The following ADAMTS18 variants were observed in gnomAD, a reference collection of about 807,000 sequenced individuals.
ADAMTS18 encodes A disintegrin and metalloproteinase with thrombospondin motifs 18.
In ADAMTS18, 157 loss-of-function variants were observed where a neutral mutation model predicts 165.9. The observed-to-expected ratio is 0.95, with a 90% confidence interval of 0.83 to 1.08. ADAMTS18 has a LOEUF of 1.08. Among genes scored for constraint, ADAMTS18 ranks in the 50% least tolerant of loss-of-function variants. The probability of loss-of-function intolerance (pLI) is 0.00; values close to 1 mark genes in which losing one functional copy is unlikely to be tolerated. For synonymous variants in ADAMTS18, 782 were observed against 578.2 expected, an observed-to-expected ratio of 1.35 and a Z score of -5.06; for missense variants, 2,040 against 1,534.0, an observed-to-expected ratio of 1.33 and a Z score of -5.51.
intron 16 of ADAMTS18, among the ~76,000 whole-genome samples, chr16:77,306,310 T>C (rs1283899158): frequency 6.6e-6 from 1 of 152,152 alleles, no homozygotes; most frequent in Non-Finnish European, 1.5e-5. Context: ...AACCGCAGGG[T>C]GCAGAGTTAT....
intron 3 of ADAMTS18, among the ~76,000 whole-genome samples, chr16:77,385,510 A>C (rs1485206038): frequency 6.6e-6 from 1 of 152,150 alleles, no homozygotes; most frequent in Admixed American, 6.5e-5. Flanking sequence ...TTGCTGATGC[A>C]CACTATCAGA....
chr16:77,382,235 C>A (rs1418417908), intron 3 of ADAMTS18, among the ~76,000 whole-genome samples: 1 of 152,096 alleles, frequency 6.6e-6, no homozygotes, highest in Admixed American at 6.6e-5. Context: ...TTTTTTGAGA[C>A]AGAGTCGCTC....
At chr16:77,416,898 G>C (rs1164351844) in intron 3 of ADAMTS18, among the ~76,000 whole-genome samples, 1 of 152,178 alleles carries the variant, frequency 6.6e-6, no homozygotes, top group Non-Finnish European at 1.5e-5. Flanking sequence ...GCAGTGGTAA[G>C]AAGTGGTCAG....
intron 3 of ADAMTS18, among the ~76,000 whole-genome samples, chr16:77,372,231 A>G (rs2056886697): frequency 6.6e-6 from 1 of 152,230 alleles, no homozygotes; most frequent in South Asian, 2.1e-4. Flanking sequence ...AATTAAATAT[A>G]GTTCTACCAT....
At chr16:77,284,116 C>G (rs759773940) in intron 22 of ADAMTS18, 45 bp from the exon 23 acceptor site, 1 of 1,343,192 alleles carries the variant, frequency 7.4e-7, no homozygotes, top group Non-Finnish European at 1.1e-6. Flanking sequence ...GGGTGTCTAT[C>G]CTTTTTCTTT....
At chr16:77,426,604 G>T (rs1013612964) in intron 3 of ADAMTS18, among the ~76,000 whole-genome samples, 2 of 152,166 alleles carry the variant, frequency 1.3e-5, no homozygotes, top group Non-Finnish European at 2.9e-5. Flanking sequence ...TAAAAGTATT[G>T]CTCCATTCTC....
chr16:77,359,861 A>G (rs770021907), intron 7 of ADAMTS18, among the ~76,000 whole-genome samples: 11 of 152,166 alleles, frequency 7.2e-5, no homozygotes, highest in Non-Finnish European at 1.5e-4. Flanking sequence ...CCAAGGAAAA[A>G]CACATATCCT....
chr16:77,337,268 G>A (rs1187759556), intron 11 of ADAMTS18, among the ~76,000 whole-genome samples: 6 of 152,116 alleles, frequency 3.9e-5, no homozygotes, highest in Non-Finnish European at 7.4e-5. Flanking sequence ...CGGGAATCAC[G>A]AGGACTCTAC....
At chr16:77,391,788 G>C (rs948098019) in intron 3 of ADAMTS18, among the ~76,000 whole-genome samples, 2 of 152,060 alleles carry the variant, frequency 1.3e-5, no homozygotes, top group African/African-American at 4.8e-5. Flanking sequence ...TTAATGAAGG[G>C]GTCAGGCAAG....
At chr16:77,323,277 A>G (rs1372923491) in intron 13 of ADAMTS18, among the ~76,000 whole-genome samples, 1 of 152,196 alleles carries the variant, frequency 6.6e-6, no homozygotes, top group Non-Finnish European at 1.5e-5. Context: ...ATCCCTAACA[A>G]CAGTTTTACA....
intron 3 of ADAMTS18, among the ~76,000 whole-genome samples, chr16:77,370,392 G>A (rs1427183114): frequency 1.3e-5 from 2 of 152,072 alleles, no homozygotes; most frequent in East Asian, 1.9e-4. Flanking sequence ...GTTGTAGGAC[G>A]CAAAAATCAA....
At chr16:77,396,778 A>G (rs376944252) in intron 3 of ADAMTS18, among the ~76,000 whole-genome samples, 13 of 151,886 alleles carry the variant, frequency 8.6e-5, no homozygotes, top group African/African-American at 3.1e-4. Flanking sequence ...TTTGTTCACT[A>G]AACAAGTGCC....
intron 3 of ADAMTS18, among the ~76,000 whole-genome samples, chr16:77,391,205 A>G (rs1288557490): frequency 2.0e-5 from 3 of 152,172 alleles, no homozygotes; most frequent in Non-Finnish European, 4.4e-5. Flanking sequence ...TTTGTTTTAT[A>G]TAAGACTAAA....
chr16:77,300,826 C>T (rs983230744), intron 16 of ADAMTS18, among the ~76,000 whole-genome samples: 35 of 152,176 alleles, frequency 2.3e-4, no homozygotes, highest in African/African-American at 8.4e-4. Context: ...ACTGAATCTA[C>T]ATATATATAT....
chr16:77,373,271 G>C (rs1042516151), intron 3 of ADAMTS18, among the ~76,000 whole-genome samples: 1 of 151,898 alleles, frequency 6.6e-6, no homozygotes, highest in African/African-American at 2.4e-5. Flanking sequence ...TCAGGAGATT[G>C]AGAACATCCT....
intron 3 of ADAMTS18, among the ~76,000 whole-genome samples, chr16:77,410,314 C>T (rs1234053488): frequency 6.7e-6 from 1 of 148,888 alleles, no homozygotes; most frequent in Admixed American, 6.6e-5. Context: ...AAAATTCCTA[C>T]AAAGAATCAA....
intron 13 of ADAMTS18, among the ~76,000 whole-genome samples, chr16:77,324,461 C>A (rs1298427242): frequency 1.3e-5 from 2 of 152,168 alleles, no homozygotes; most frequent in Non-Finnish European, 2.9e-5. Flanking sequence ...ATAACCATTA[C>A]ATAAATATAT....
Position 77,334,741 on chromosome 16 carries a change from AT to A in ADAMTS18, c.1859+1014del, listed in dbSNP as rs577721655. 1.1e-3 allele frequency among the ~76,000 whole-genome samples: 122 copies of A among 115,012 alleles called. 2 individuals carry two copies. The highest frequency in any genetic ancestry group is 4.1e-3 in the African/African-American group (120 of 29,116). 75.5% of individuals were successfully genotyped at this position (115,012 alleles called of 152,430 possible). On this transcript the variant is annotated intron_variant, in intron 12 of 22. Transcript: ENST00000282849. ...AGTATACTACTATATACTATAGTAT[AT>A]ATACTGTATACTATAGTATACAGTA...
At position 77,434,947 on chromosome 16, in the gene ADAMTS18, C is replaced by T. The variant is rs2057779518; in HGVS notation, c.-252G>A. The T allele has an allele frequency of 5.7e-6, 2 of 351,230 alleles. No individual in the cohort carries two copies. Among genetic ancestry groups the T allele is most frequent in the East Asian group, 9.4e-5 (2 of 21,194 alleles). 21.8% of individuals were successfully genotyped at this position (351,230 alleles called of 1,614,324 possible). ...CACCCCAGAGGGTACGGGGGGCTCCCTGGGCCGGGACTGGAGCGCAAACGG... is the reference window on the plus strand; with the variant it reads ...CACCCCAGAGGGTACGGGGGGCTCCTTGGGCCGGGACTGGAGCGCAAACGG... On this transcript the variant is annotated 5_prime_UTR_variant, in exon 1 of 23. Transcript: ENST00000282849.
Sources: gnomAD v4.1 joint callset for allele counts (sites outside exome capture counted in the v4.1 genomes callset) on GRCh38, gnomAD v4.1.1 for gene constraint, MANE v1.5 for transcripts, NCBI Gene and HGNC (gene_info 2026-07-23, HGNC 2026-07-21) for gene names.